Variants in TMEM45A observed in about 807,000 individuals in gnomAD.
The protein encoded by TMEM45A is transmembrane protein 45A.
TMEM45A carries 25 observed loss-of-function variants against 32.0 expected under a neutral mutation model. The observed-to-expected ratio is 0.78, with a 90% CI of 0.57 to 1.09. The LOEUF is 1.09. Among genes scored for constraint, TMEM45A ranks in the 50% least tolerant of loss-of-function variants. TMEM45A has a pLI of 0.00. For missense variants in TMEM45A, 302 were observed against 325.0 expected (o/e 0.93, Z 0.54); for synonymous variants, 122 against 114.8 (o/e 1.06, Z -0.40).
intron 1 of TMEM45A, among the ~76,000 whole-genome samples, chr3:100,509,803 C>T (rs1025820579): frequency 5.9e-5 from 9 of 152,132 alleles, no homozygotes; most frequent in Non-Finnish European, 1.2e-4. Flanking sequence ...TTGCCTCACT[C>T]GGGAAGTGCA....
chr3:100,501,614 T>C (rs1362777674), intron 1 of TMEM45A, among the ~76,000 whole-genome samples: 1 of 152,256 alleles, frequency 6.6e-6, no homozygotes, highest in East Asian at 1.9e-4. Context: ...CTTTTTATCC[T>C]GTTGCCTTAT....
At chr3:100,569,749 T>G (rs61403861) in intron 5 of TMEM45A, among the ~76,000 whole-genome samples, 20,604 of 152,008 alleles carry the variant, frequency 0.14, 1,672 homozygotes, top group East Asian at 0.32. Context: ...CTCTTTGGCA[T>G]AAAAAAAATG....
intron 1 of TMEM45A, among the ~76,000 whole-genome samples, chr3:100,544,852 C>G (rs1705954447): frequency 6.6e-6 from 1 of 152,050 alleles, no homozygotes; most frequent in Non-Finnish European, 1.5e-5. Flanking sequence ...GGGTAAATAC[C>G]TAGTGAGGAT....
chr3:100,559,528 T>C (rs987549794), intron 4 of TMEM45A, among the ~76,000 whole-genome samples: 2 of 152,196 alleles, frequency 1.3e-5, no homozygotes, highest in Non-Finnish European at 2.9e-5. Context: ...CCAAGGGTTA[T>C]TTTAATGGAA....
chr3:100,516,229 A>T (rs1708260050), intron 1 of TMEM45A, among the ~76,000 whole-genome samples: 1 of 152,206 alleles, frequency 6.6e-6, no homozygotes, highest in African/African-American at 2.4e-5. Flanking sequence ...GATAGTAGGA[A>T]GTCTCAATCA....
chr3:100,515,280 A>G (rs1031486048), intron 1 of TMEM45A, among the ~76,000 whole-genome samples: 3 of 152,152 alleles, frequency 2.0e-5, no homozygotes, highest in South Asian at 4.2e-4. Flanking sequence ...CATATACACC[A>G]TGGAATACTA....
chr3:100,567,663 C>A (rs1706472202), intron 4 of TMEM45A, among the ~76,000 whole-genome samples: 1 of 151,792 alleles, frequency 6.6e-6, no homozygotes, highest in Admixed American at 6.6e-5. Context: ...TTATTTAGAT[C>A]TTTGATTTCT....
At chr3:100,550,187 A>G (rs1706065411) in intron 1 of TMEM45A, among the ~76,000 whole-genome samples, 1 of 138,952 alleles carries the variant, frequency 7.2e-6, no homozygotes, top group African/African-American at 2.7e-5. Context: ...CTAAAACTTA[A>G]AGCATAATAA....
chr3:100,568,159 T>C (rs1019110082), intron 4 of TMEM45A, among the ~76,000 whole-genome samples: 2 of 152,248 alleles, frequency 1.3e-5, no homozygotes, highest in African/African-American at 2.4e-5. Context: ...ATATTGATTT[T>C]GTATCCTGCT....
chr3:100,519,592 GA>G, intron 1 of TMEM45A: 1 of 1,551,012 alleles, frequency 6.4e-7, no homozygotes, highest in Non-Finnish European at 8.7e-7. Flanking sequence ...GGGAAAATGG[GA>G]TTTAAACACC....
intron 1 of TMEM45A, among the ~76,000 whole-genome samples, chr3:100,527,644 G>A (rs766495859): frequency 1.5e-4 from 23 of 152,154 alleles, no homozygotes; most frequent in Non-Finnish European, 2.4e-4. Flanking sequence ...CAATTTTATT[G>A]TGGGTGTTTT....
chr3:100,551,215 G>A (rs984844161), intron 1 of TMEM45A, among the ~76,000 whole-genome samples: 3 of 151,890 alleles, frequency 2.0e-5, no homozygotes, highest in Non-Finnish European at 2.9e-5. Context: ...GGGTTTCGCC[G>A]TGTCAGCCAG....
chr3:100,522,132 A>G (rs1705447866), intron 1 of TMEM45A, among the ~76,000 whole-genome samples: 1 of 152,130 alleles, frequency 6.6e-6, no homozygotes, highest in Non-Finnish European at 1.5e-5. Context: ...ACTGACAATA[A>G]CAATCCCTTC....
chr3:100,546,541 A>G (rs1268248573), intron 1 of TMEM45A, among the ~76,000 whole-genome samples: 2 of 152,224 alleles, frequency 1.3e-5, no homozygotes, highest in African/African-American at 4.8e-5. Flanking sequence ...GATGCTTATC[A>G]CTAGCATCTA....
At chr3:100,495,352 A>G (rs1707909111) in intron 1 of TMEM45A, among the ~76,000 whole-genome samples, 1 of 152,214 alleles carries the variant, frequency 6.6e-6, no homozygotes, top group African/African-American at 2.4e-5. Context: ...AAGGGATTAT[A>G]GAGGAGCAGG....
At position 100,517,666 on chromosome 3, in the gene TMEM45A, A is replaced by G. The variant is rs533344217; in HGVS notation, c.-4+24738A>G. On this transcript the variant is annotated intron_variant, in intron 1 of 5. Transcript: ENST00000323523. ...AAGGTGATATTCTTTATTACTGTGG[A>G]TGTGATTTGGGAAACAATTCTTGGA... Among the ~76,000 whole-genome samples, 16 of 152,288 alleles carry G rather than the reference A, an allele frequency of 1.1e-4. No homozygotes were observed. In the South Asian group the frequency reaches 3.3e-3, roughly 32 times the overall value.
At chr3:100,498,363 G>A (rs1707961892) in intron 1 of TMEM45A, among the ~76,000 whole-genome samples, 1 of 152,256 alleles carries the variant, frequency 6.6e-6, no homozygotes, top group African/African-American at 2.4e-5. Context: ...CATAATGTTG[G>A]TAGGCTTCAT....
At chr3:100,534,233 C>T (rs1705700489) in intron 1 of TMEM45A, among the ~76,000 whole-genome samples, 1 of 152,182 alleles carries the variant, frequency 6.6e-6, no homozygotes, top group Non-Finnish European at 1.5e-5. Flanking sequence ...TAATGGCCTT[C>T]AGAGATGTCC....
intron 1 of TMEM45A, among the ~76,000 whole-genome samples, chr3:100,551,968 C>T (rs77166395): frequency 0.098 from 14,931 of 152,098 alleles, 2,451 homozygotes; most frequent in African/African-American, 0.34. Context: ...TATACTGATC[C>T]TCTCAGCTTT....
Sources: allele counts gnomAD v4.1 joint callset (sites outside exome capture counted in the v4.1 genomes callset), GRCh38; gene constraint gnomAD v4.1.1; transcripts MANE v1.5; gene names NCBI Gene and HGNC (gene_info 2026-07-23, HGNC 2026-07-21).